Variants in MTCL1 observed in about 807,000 individuals in gnomAD.
MTCL1 encodes microtubule crosslinking factor 1, also known as microtubule cross-linking factor 1.
MTCL1 carries 79 observed loss-of-function variants against 141.4 expected under a neutral mutation model. The observed-to-expected ratio is 0.56, with a 90% confidence interval of 0.47 to 0.67. The LOEUF (loss-of-function observed/expected upper bound fraction) is 0.67. Among genes scored for constraint, MTCL1 ranks in the 30% least tolerant of loss-of-function variants. The pLI is 0.00. For missense variants in MTCL1, 2,177 were observed against 2,113.9 expected, an observed-to-expected ratio of 1.03 and a Z score of -0.59; for synonymous variants, 914 against 875.8, an observed-to-expected ratio of 1.04 and a Z score of -0.77.
At chr18:8,750,900 T>C (rs150066186) in intron 4 of MTCL1, among the ~76,000 whole-genome samples, 53 of 152,318 alleles carry the variant, frequency 3.5e-4, no homozygotes, top group Middle Eastern at 3.4e-3. Context: ...GAGTGAGGCC[T>C]GCAGTTGCCT....
intron 4 of MTCL1, among the ~76,000 whole-genome samples, chr18:8,757,381 A>G (rs938129861): frequency 6.6e-6 from 1 of 152,248 alleles, no homozygotes; most frequent in African/African-American, 2.4e-5. Context: ...GCTGTAGGAT[A>G]AAAGATGTGT....
chr18:8,796,566 T>G (rs2075928530), intron 9 of MTCL1, 104 bp downstream of exon 8: 1 of 1,130,174 alleles, frequency 8.8e-7, no homozygotes, highest in Non-Finnish European at 1.3e-6. Flanking sequence ...TCTATTATTT[T>G]ATTTCTCAAT....
At chr18:8,730,942 C>T (rs1382487284) in intron 4 of MTCL1, among the ~76,000 whole-genome samples, 1 of 152,146 alleles carries the variant, frequency 6.6e-6, no homozygotes, top group Non-Finnish European at 1.5e-5. Context: ...ACTGTGCTTG[C>T]TGCTTTTCTT....
intron 4 of MTCL1, among the ~76,000 whole-genome samples, chr18:8,725,398 G>T (rs1320229109): frequency 6.6e-6 from 1 of 152,156 alleles, no homozygotes; most frequent in Non-Finnish European, 1.5e-5. Context: ...GTGTTTTGGG[G>T]TGCAGACTTT....
At chr18:8,750,624 G>A (rs954671057) in intron 4 of MTCL1, among the ~76,000 whole-genome samples, 1 of 152,310 alleles carries the variant, frequency 6.6e-6, no homozygotes, top group Middle Eastern at 3.4e-3. Flanking sequence ...CTTCCTTGGG[G>A]TTACCAACCT....
At chr18:8,732,245 C>T (rs1404947544) in intron 4 of MTCL1, among the ~76,000 whole-genome samples, 2 of 151,544 alleles carry the variant, frequency 1.3e-5, no homozygotes, top group African/African-American at 2.4e-5. Context: ...CCACCACACC[C>T]GGCTAATTTT....
chr18:8,826,360 C>G, intron 15 of MTCL1, 128 bp downstream of exon 14: 1 of 942,760 alleles, frequency 1.1e-6, no homozygotes, highest in Non-Finnish European at 1.5e-6. Context: ...TTATTGGGAG[C>G]TGGGGAGGTG....
At chr18:8,790,664 C>T (rs762763974) in intron 7 of MTCL1, among the ~76,000 whole-genome samples, 3 of 152,174 alleles carry the variant, frequency 2.0e-5, no homozygotes, top group African/African-American at 4.8e-5. Context: ...TTAAATACAT[C>T]GCTGAATTCC....
chr18:8,788,633 T>C (rs992128555), intron 7 of MTCL1, among the ~76,000 whole-genome samples: 2 of 152,176 alleles, frequency 1.3e-5, no homozygotes, highest in Non-Finnish European at 2.9e-5. Flanking sequence ...AGAAGTGCAT[T>C]CTTACACATG....
At chr18:8,741,439 A>G (rs1412604634) in intron 4 of MTCL1, among the ~76,000 whole-genome samples, 3 of 152,244 alleles carry the variant, frequency 2.0e-5, no homozygotes, top group African/African-American at 7.2e-5. Flanking sequence ...GAGTGTTTAA[A>G]GGATGGGTTT....
intron 16 of MTCL1, chr18:8,829,182 G>C: frequency 1.0e-6 from 1 of 985,448 alleles, no homozygotes; most frequent in Non-Finnish European, 1.2e-6. Context: ...GCAAAGAAGG[G>C]TTTTTAGGTT....
Position 8,800,684 on chromosome 18 carries a change from C to T in MTCL1, c.2436+2393C>T, listed in dbSNP as rs1020931786. 5.9e-5 allele frequency: 9 copies of T among 151,502 alleles called. No homozygotes were observed. The East Asian group carries it at 1.5e-3, about 26-fold the overall frequency. 9.4% of individuals were successfully genotyped at this position (151,502 alleles called of 1,614,324 possible). On this transcript the variant is annotated intron_variant, in intron 10 of 16. Coordinates refer to ENST00000359865, the Ensembl canonical transcript of MTCL1. ...TTTTCCTTGAGCTCCAAGACTCACG[C>T]CACTGCGTTAAGCATTTGAGGCCAG...
chr18:8,717,010 G>A (rs528667823), upstream of MTCL1, among the ~76,000 whole-genome samples: 32 of 152,148 alleles, frequency 2.1e-4, no homozygotes, highest in Non-Finnish European at 3.8e-4. Flanking sequence ...GGAACAAAGC[G>A]AGCGTGCAGT....
intron 7 of MTCL1, 184 bp downstream of exon 6, chr18:8,786,275 G>T (rs1414064288): frequency 1.3e-6 from 1 of 746,560 alleles, no homozygotes; most frequent in Non-Finnish European, 2.3e-6. Context: ...GTGTGCGCAG[G>T]TGCCTGCGGT....
chr18:8,829,170 A>G (rs1189498353), intron 16 of MTCL1: 2 of 985,366 alleles, frequency 2.0e-6, no homozygotes, highest in Non-Finnish European at 2.4e-6. Flanking sequence ...TGACCACTCA[A>G]TGCAAAGAAG....
intron 11 of MTCL1, among the ~76,000 whole-genome samples, chr18:8,811,943 C>T (rs988715606): frequency 5.3e-5 from 8 of 152,170 alleles, no homozygotes; most frequent in African/African-American, 1.2e-4. Context: ...TTATAATATA[C>T]GTATTTAATT....
In MTCL1 at chr18:8,831,363, T is replaced by C; in HGVS notation, c.*19-244T>C. The C allele has an allele frequency of 1.5e-6, 2 of 1,335,644 alleles. 1 individual carries two copies. The highest frequency in any genetic ancestry group is 1.9e-6 in the Non-Finnish European group (2 of 1,041,480). The allele number at this position is 1,335,644 out of a possible 1,614,324, so 82.7% of individuals were successfully genotyped here. On this transcript the variant is annotated intron_variant, in intron 16 of 16. Coordinates refer to ENST00000359865, the Ensembl canonical transcript of MTCL1. ...TAAAGGAGCTTTGCAAGCTGACTCA[T>C]CTCACAGTATTGCTGTGTTTAATCA... is the stretch of plus-strand genomic sequence containing the variant.
intron 10 of MTCL1, among the ~76,000 whole-genome samples, chr18:8,803,735 C>G (rs1261651937): frequency 1.3e-5 from 2 of 152,208 alleles, no homozygotes; most frequent in Non-Finnish European, 2.9e-5. Context: ...TAATATTATC[C>G]TGGTTGAATA....
chr18:8,721,349 C>G (rs984855200), intron 4 of MTCL1, among the ~76,000 whole-genome samples: 6 of 152,196 alleles, frequency 3.9e-5, no homozygotes, highest in African/African-American at 1.4e-4. Context: ...ATCTGCTGCA[C>G]CTGGTTCCGG....
Sources: gnomAD v4.1 joint callset for allele counts (sites outside exome capture counted in the v4.1 genomes callset) on GRCh38, gnomAD v4.1.1 for gene constraint, MANE v1.5 for transcripts, NCBI Gene and HGNC (gene_info 2026-07-23, HGNC 2026-07-21) for gene names.